The following MANBA variants were observed in gnomAD, a reference collection of about 807,000 sequenced individuals.
MANBA encodes mannosidase beta.
MANBA carries 83 observed loss-of-function variants against 111.1 expected under a neutral mutation model. The observed-to-expected ratio is 0.75, with a 90% CI of 0.63 to 0.90. MANBA has a LOEUF of 0.90. Ranked by LOEUF, MANBA falls within the 40% of genes least tolerant of loss-of-function variation. The pLI is 0.00. For synonymous variants in MANBA, 370 were observed against 378.7 expected, an observed-to-expected ratio of 0.98 and a Z score of 0.27; for missense variants, 1,036 against 1,069.0, an observed-to-expected ratio of 0.97 and a Z score of 0.43.
intron 12 of MANBA, among the ~76,000 whole-genome samples, chr4:102,652,817 C>T (rs1487806518): frequency 6.6e-6 from 1 of 152,130 alleles, no homozygotes; most frequent in Admixed American, 6.5e-5. Context: ...ATTGCTTGAG[C>T]CCACGAGTTT....
chr4:102,715,900 T>A (rs1722306536), intron 4 of MANBA, among the ~76,000 whole-genome samples: 1 of 152,256 alleles, frequency 6.6e-6, no homozygotes, highest in African/African-American at 2.4e-5. Context: ...AAATGCTTAC[T>A]ACATTGAAGC....
At chr4:102,740,267 C>T (rs1723354281) in intron 1 of MANBA, among the ~76,000 whole-genome samples, 1 of 151,986 alleles carries the variant, frequency 6.6e-6, no homozygotes. Context: ...CAAGGAAAAC[C>T]ATGAAACACT....
chr4:102,651,018 T>C (rs992405826), intron 12 of MANBA, among the ~76,000 whole-genome samples: 3 of 152,102 alleles, frequency 2.0e-5, no homozygotes, highest in Non-Finnish European at 4.4e-5. Context: ...ACATCCACTA[T>C]ATGTATTTTT....
rs139602776 is a variant in MANBA, at chr4:102,643,556, T to C, written c.1870-3699A>G. ...TCCAATTTCTCCACATCCTTGCCAA[T>C]ACTCATTATTTTCCTTTTTTAAAAA... On this transcript the variant is annotated intron_variant, in intron 13 of 16. Coordinates refer to ENST00000647097, the MANE Select transcript of MANBA (RefSeq NM_005908.4). Among the ~76,000 whole-genome samples the C allele has an allele frequency of 6.6e-3, 998 of 152,318 alleles. 4 individuals carry two copies. Among genetic ancestry groups the C allele is most frequent in the Non-Finnish European group, 0.01 (707 of 68,014 alleles).
At chr4:102,670,791 G>A (rs1358194119) in intron 9 of MANBA, 2 of 152,954 alleles carry the variant, frequency 1.3e-5, no homozygotes, top group East Asian at 3.8e-4. Flanking sequence ...CTTGAACCTG[G>A]GGTGGAGGAG....
chr4:102,696,263 T>C (rs759887015), intron 5 of MANBA, among the ~76,000 whole-genome samples: 1 of 152,070 alleles, frequency 6.6e-6, no homozygotes, highest in Non-Finnish European at 1.5e-5. Context: ...TCTACAAACA[T>C]AGAGAATATG....
chr4:102,740,884 T>C (rs1200806869), intron 1 of MANBA, among the ~76,000 whole-genome samples: 1 of 151,902 alleles, frequency 6.6e-6, no homozygotes, highest in Non-Finnish European at 1.5e-5. Context: ...TTCTAGACAT[T>C]GGTTTAGGCA....
intron 12 of MANBA, among the ~76,000 whole-genome samples, chr4:102,652,466 A>G (rs1730378017): frequency 6.6e-6 from 1 of 152,248 alleles, no homozygotes; most frequent in African/African-American, 2.4e-5. Context: ...TCTCATAACT[A>G]TGGTGTGAAA....
At chr4:102,758,093 A>G (rs531805591) in intron 1 of MANBA, among the ~76,000 whole-genome samples, 125 of 152,240 alleles carry the variant, frequency 8.2e-4, no homozygotes, top group Non-Finnish European at 1.6e-3. Context: ...CCTATCTTGA[A>G]CCACTTTTTA....
intron 4 of MANBA, among the ~76,000 whole-genome samples, chr4:102,720,351 C>A (rs545617771): frequency 6.6e-6 from 1 of 151,620 alleles, no homozygotes; most frequent in Non-Finnish European, 1.5e-5. Flanking sequence ...AAAAGAATGG[C>A]GTGAACCCAG....
rs992838523 is a variant in MANBA, at chr4:102,668,767, T to C, written c.1317+196A>G. On this transcript the variant is annotated intron_variant, in intron 10 of 16. Transcript: ENST00000647097. ...CAGAGAAATCAGGACTGGGGATAAA[T>C]CTGGGAGTCATCAGCCAATAGATGA... The C allele has an allele frequency of 4.2e-5, 24 of 571,860 alleles. No individual in the cohort carries two copies. In the African/African-American group the frequency reaches 4.3e-4, roughly 10 times the overall value. The allele number at this position is 571,860 out of a possible 1,614,324, so 35.4% of individuals were successfully genotyped here.
At chr4:102,717,020 T>C (rs540997692) in intron 4 of MANBA, among the ~76,000 whole-genome samples, 68 of 152,322 alleles carry the variant, frequency 4.5e-4, no homozygotes, top group Non-Finnish European at 6.0e-4. Context: ...GGGACATTTA[T>C]GGGAGAATTT....
intron 1 of MANBA, among the ~76,000 whole-genome samples, chr4:102,753,262 G>A (rs973176193): frequency 1.6e-4 from 24 of 151,876 alleles, no homozygotes; most frequent in African/African-American, 5.1e-4. Flanking sequence ...AGAAAAAAAT[G>A]TGGAAAGATA....
At chr4:102,729,682 C>T in intron 1 of MANBA, 1 of 1,550,888 alleles carries the variant, frequency 6.4e-7, no homozygotes, top group Non-Finnish European at 8.9e-7. Flanking sequence ...TTGCCAAGCT[C>T]CGCCTCCAGC....
intron 5 of MANBA, among the ~76,000 whole-genome samples, chr4:102,707,268 A>G (rs1287598349): frequency 6.6e-6 from 1 of 152,218 alleles, no homozygotes; most frequent in Non-Finnish European, 1.5e-5. Context: ...CCAGGAAAAA[A>G]TGGAATGATA....
chr4:102,699,566 A>G (rs1180994634), intron 5 of MANBA, among the ~76,000 whole-genome samples: 2 of 150,876 alleles, frequency 1.3e-5, no homozygotes, highest in East Asian at 3.9e-4. Flanking sequence ...TTTTAGCATG[A>G]AGGGTTGTTG....
intron 5 of MANBA, among the ~76,000 whole-genome samples, chr4:102,706,310 T>C (rs1733293623): frequency 6.6e-6 from 1 of 152,164 alleles, no homozygotes; most frequent in Non-Finnish European, 1.5e-5. Context: ...CTAACAACTA[T>C]ACCCTAAGCC....
At chr4:102,638,727 T>C (rs1729739456) in intron 14 of MANBA, among the ~76,000 whole-genome samples, 1 of 152,186 alleles carries the variant, frequency 6.6e-6, no homozygotes, top group Admixed American at 6.5e-5. Flanking sequence ...CAATGCTCTC[T>C]TATCTGGTTG....
chr4:102,688,491 T>C (rs1732327268), intron 7 of MANBA, among the ~76,000 whole-genome samples: 1 of 151,922 alleles, frequency 6.6e-6, no homozygotes. Context: ...GAAGGACATA[T>C]CTCCATCCTT....
Sources: allele counts gnomAD v4.1 joint callset (sites outside exome capture counted in the v4.1 genomes callset), GRCh38; gene constraint gnomAD v4.1.1; transcripts MANE v1.5; gene names NCBI Gene and HGNC (gene_info 2026-07-23, HGNC 2026-07-21).